TMC1: variants seen among roughly 807,000 people sequenced by gnomAD.
TMC1 encodes transmembrane channel like 1.
In TMC1, 84 loss-of-function variants were observed where a neutral mutation model predicts 105.8. The observed-to-expected ratio is 0.79, with a 90% CI of 0.67 to 0.95. The LOEUF (loss-of-function observed/expected upper bound fraction) is 0.95. Ranked by LOEUF, TMC1 falls within the 40% of genes least tolerant of loss-of-function variation. The pLI is 0.00. For missense variants in TMC1, 817 were observed against 914.1 expected (o/e 0.89, Z 1.37); for synonymous variants, 315 against 311.5 (o/e 1.01, Z -0.12).
intron 5 of TMC1, among the ~76,000 whole-genome samples, chr9:72,658,988 CCTT>C (rs957044910): frequency 8.5e-5 from 13 of 152,098 alleles, no homozygotes; most frequent in African/African-American, 3.1e-4. Flanking sequence ...AACTTTTTGC[CCTT>C]CTTCTAATAT....
At chr9:72,671,253 T>A (rs977918218) in intron 5 of TMC1, among the ~76,000 whole-genome samples, 1 of 152,232 alleles carries the variant, frequency 6.6e-6, no homozygotes, top group South Asian at 2.1e-4. Context: ...ATTTTTCTCC[T>A]TGACCTTTTG....
intron 5 of TMC1, among the ~76,000 whole-genome samples, chr9:72,674,045 A>T (rs1006683057): frequency 1.3e-5 from 2 of 152,210 alleles, no homozygotes; most frequent in African/African-American, 4.8e-5. Flanking sequence ...TATCAGAAAA[A>T]GTAATTATGA....
chr9:72,660,098 A>G (rs1209511652), intron 5 of TMC1, among the ~76,000 whole-genome samples: 2 of 152,032 alleles, frequency 1.3e-5, no homozygotes, highest in Non-Finnish European at 2.9e-5. Flanking sequence ...TACCCTTTTG[A>G]TGTTAATGTT....
chr9:72,783,439 G>C (rs565784258), intron 13 of TMC1, among the ~76,000 whole-genome samples: 1 of 152,240 alleles, frequency 6.6e-6, no homozygotes, highest in South Asian at 2.1e-4. Context: ...ATCTAGTACA[G>C]CAAAAAGATG....
At chr9:72,735,427 C>T (rs2793168) in intron 8 of TMC1, among the ~76,000 whole-genome samples, 34,753 of 152,032 alleles carry the variant, frequency 0.23, 4,283 homozygotes, top group East Asian at 0.39. Flanking sequence ...GAAAATCATA[C>T]ATGTAAAGAT....
intron 6 of TMC1, among the ~76,000 whole-genome samples, chr9:72,692,149 C>A (rs1309557729): frequency 6.6e-6 from 1 of 152,186 alleles, no homozygotes; most frequent in Non-Finnish European, 1.5e-5. Context: ...AAACGGCTAT[C>A]TTTGCTCTCA....
intron 5 of TMC1, among the ~76,000 whole-genome samples, chr9:72,666,266 A>C (rs376533943): frequency 6.6e-5 from 10 of 152,100 alleles, no homozygotes; most frequent in African/African-American, 2.4e-4. Flanking sequence ...ATTAAAAAAA[A>C]AAAAAGGAAG....
rs142821878 is a variant in TMC1, at chr9:72,680,714, G to C, written c.17-7995G>C. On this transcript the variant is annotated intron_variant, in intron 5 of 23. Coordinates refer to ENST00000297784, the MANE Select transcript of TMC1 (RefSeq NM_138691.3). ...TAAGCCTTCACCCTGACTCTACCCTGCCCCCACTGCCTTTTGTTCTTTGGA... is the reference window on the plus strand; with the variant it reads ...TAAGCCTTCACCCTGACTCTACCCTCCCCCCACTGCCTTTTGTTCTTTGGA... 2.7e-4 allele frequency among the ~76,000 whole-genome samples: 41 copies of C among 152,004 alleles called. 1 individual carries two copies. In the East Asian group the frequency reaches 7.9e-3, roughly 29 times the overall value.
intron 10 of TMC1, among the ~76,000 whole-genome samples, chr9:72,743,497 G>A (rs1827431286): frequency 6.7e-6 from 1 of 149,988 alleles, no homozygotes. Context: ...AACCCGAGAG[G>A]CGGAGGTTGC....
rs1341225117 is a variant in TMC1 at position 72,827,098 on chromosome 9, T to G, written c.2129+104T>G. On this transcript the variant is annotated intron_variant, in intron 21 of 23. Transcript: ENST00000297784. ...CTCTCACTCTCCCTAAGGGTTCTGC[T>G]GTAACCTATCCAAATTCAACACTGA... 4 of 1,475,854 alleles carry G rather than the reference T, an allele frequency of 2.7e-6. No homozygotes were observed. The South Asian group carries it at 3.4e-5, about 13-fold the overall frequency. The allele number at this position is 1,475,854 out of a possible 1,614,324, so 91.4% of individuals were successfully genotyped here.
At chr9:72,831,434 T>A (rs1327434860) in intron 23 of TMC1, among the ~76,000 whole-genome samples, 1 of 151,738 alleles carries the variant, frequency 6.6e-6, no homozygotes, top group East Asian at 1.9e-4. Context: ...TTTTTCTATA[T>A]ATATATATAT....
intron 4 of TMC1, among the ~76,000 whole-genome samples, chr9:72,635,542 A>C (rs1314675317): frequency 6.6e-6 from 1 of 152,208 alleles, no homozygotes; most frequent in Non-Finnish European, 1.5e-5. Context: ...TTGTGCCAAA[A>C]ACAAACACTA....
intron 12 of TMC1, among the ~76,000 whole-genome samples, chr9:72,759,834 A>C (rs1422780057): frequency 1.3e-5 from 2 of 152,162 alleles, no homozygotes; most frequent in Non-Finnish European, 2.9e-5. Flanking sequence ...GAGGCTCCTA[A>C]TCTAGTGTTC....
At chr9:72,686,494 G>A (rs571024274) in intron 5 of TMC1, among the ~76,000 whole-genome samples, 1 of 152,318 alleles carries the variant, frequency 6.6e-6, no homozygotes, top group South Asian at 2.1e-4. Flanking sequence ...ATAGGCCAGT[G>A]CTGATAGTTA....
At chr9:72,678,219 T>C (rs910070451) in intron 5 of TMC1, among the ~76,000 whole-genome samples, 1 of 152,162 alleles carries the variant, frequency 6.6e-6, no homozygotes, top group African/African-American at 2.4e-5. Flanking sequence ...TCAAGTCATT[T>C]GACCCGTGTC....
intron 5 of TMC1, among the ~76,000 whole-genome samples, chr9:72,652,562 A>G (rs1293775915): frequency 6.6e-6 from 1 of 152,226 alleles, no homozygotes; most frequent in Non-Finnish European, 1.5e-5. Flanking sequence ...AGGTGGGATC[A>G]GTTAAGAACC....
intron 8 of TMC1, among the ~76,000 whole-genome samples, chr9:72,739,910 C>T (rs1256343734): frequency 6.6e-6 from 1 of 152,140 alleles, no homozygotes; most frequent in African/African-American, 2.4e-5. Context: ...GTAAGTGAGA[C>T]TAAAATATCT....
At chr9:72,576,618 C>CTTTTTTTTTTTTTTT (rs71357588) in intron 1 of TMC1, among the ~76,000 whole-genome samples, 3 of 135,148 alleles carry the variant, frequency 2.2e-5, no homozygotes, top group African/African-American at 2.8e-5. Context: ...CTCCCAATTT[C>CTTTTTTTTTTTTTTT]TTTTTTTTTT....
At chr9:72,596,191 A>G (rs1200655872) in intron 2 of TMC1, among the ~76,000 whole-genome samples, 2 of 152,146 alleles carry the variant, frequency 1.3e-5, no homozygotes, top group African/African-American at 4.8e-5. Context: ...CAACTCTAGT[A>G]GCTTAAGACA....
Sources: gnomAD v4.1 joint callset for allele counts (sites outside exome capture counted in the v4.1 genomes callset) on GRCh38, gnomAD v4.1.1 for gene constraint, MANE v1.5 for transcripts, NCBI Gene and HGNC (gene_info 2026-07-23, HGNC 2026-07-21) for gene names.